ATF1: variants seen among roughly 807,000 people sequenced by gnomAD.
ATF1 encodes cyclic AMP-dependent transcription factor ATF-1.
Under a neutral mutation model 34.7 loss-of-function variants are expected in ATF1, and 16 were observed. The ratio of observed to expected loss-of-function variants is 0.46; its 90% CI spans 0.31 to 0.70. The LOEUF (loss-of-function observed/expected upper bound fraction) is 0.70, where lower values mean the gene tolerates loss of function less well. ATF1 is among the 30% of genes least tolerant of loss of function. The pLI is 0.05. For synonymous variants in ATF1, 105 were observed against 113.1 expected, an observed-to-expected ratio of 0.93 and a Z score of 0.46; for missense variants, 255 against 321.6, an observed-to-expected ratio of 0.79 and a Z score of 1.58.
chr12:50,784,587 G>A (rs756495013), intron 2 of ATF1, among the ~76,000 whole-genome samples: 2 of 152,162 alleles, frequency 1.3e-5, no homozygotes, highest in Non-Finnish European at 2.9e-5. Flanking sequence ...GATAATGTAG[G>A]CCATATACCA....
chr12:50,817,705 T>C (rs1333226768), intron 6 of ATF1, among the ~76,000 whole-genome samples: 1 of 152,102 alleles, frequency 6.6e-6, no homozygotes. Context: ...GGGAAAAATA[T>C]TTGCAACTTT....
chr12:50,816,880 A>AAAAC (rs887137636), intron 6 of ATF1, among the ~76,000 whole-genome samples: 7 of 152,222 alleles, frequency 4.6e-5, no homozygotes, highest in Non-Finnish European at 1.0e-4. Flanking sequence ...CAAACAAAAA[A>AAAAC]AAACACACAA....
At chr12:50,774,156 C>T (rs770130539) in intron 1 of ATF1, among the ~76,000 whole-genome samples, 3 of 152,052 alleles carry the variant, frequency 2.0e-5, no homozygotes, top group Non-Finnish European at 4.4e-5. Flanking sequence ...CTCAGCCTCC[C>T]GAGTAGCTGG....
intron 4 of ATF1, among the ~76,000 whole-genome samples, chr12:50,813,279 A>G (rs1028293102): frequency 1.3e-5 from 2 of 152,198 alleles, no homozygotes; most frequent in African/African-American, 4.8e-5. Flanking sequence ...TTTCTTAACT[A>G]TCACTTAAGT....
intron 3 of ATF1, among the ~76,000 whole-genome samples, chr12:50,805,986 A>G (rs1325020467): frequency 6.6e-6 from 1 of 152,086 alleles, no homozygotes; most frequent in Non-Finnish European, 1.5e-5. Context: ...CCCCGTCTCC[A>G]CTAACAATAC....
At chr12:50,783,641 G>A (rs1231511073) in intron 2 of ATF1, among the ~76,000 whole-genome samples, 4 of 151,594 alleles carry the variant, frequency 2.6e-5, no homozygotes, top group Non-Finnish European at 4.4e-5. Flanking sequence ...AGGCCGAGGC[G>A]GGTAGATCAC....
chr12:50,771,853 C>A lies in ATF1; in HGVS notation c.-7+7546C>A, dbSNP rs111326169. ...CTCTGGTCGTCGTCACTGCTGTGCT[C>A]CCACCAGCGCCATGACAGTTCACAA... On this transcript the variant is annotated intron_variant, in intron 1 of 6. Transcript: ENST00000262053. 2.2e-4 allele frequency among the ~76,000 whole-genome samples: 33 copies of A among 152,252 alleles called. No homozygotes were observed. In the Middle Eastern group the frequency reaches 0.014, roughly 63 times the overall value.
chr12:50,809,786 G>A (rs1565917913), intron 4 of ATF1, among the ~76,000 whole-genome samples, 197 bp downstream of exon 4: 3 of 152,190 alleles, frequency 2.0e-5, no homozygotes. Context: ...AATTATCAAT[G>A]TATGAGGGAA....
intron 4 of ATF1, 125 bp from the exon 5 acceptor site, chr12:50,813,885 G>A (rs1303837411): frequency 1.2e-6 from 1 of 842,904 alleles, no homozygotes. Flanking sequence ...AAAGTAGTCT[G>A]CAGTTACCAA....
chr12:50,813,921 A>G (rs829112), intron 4 of ATF1, 89 bp from the exon 5 acceptor site: 371,193 of 1,292,874 alleles, frequency 0.29, 57,044 homozygotes, highest in Non-Finnish European at 0.32. Flanking sequence ...TACCTGTTTT[A>G]GTAAATAGTG....
At chr12:50,800,374 T>C (rs1941488654) in intron 3 of ATF1, among the ~76,000 whole-genome samples, 1 of 152,220 alleles carries the variant, frequency 6.6e-6, no homozygotes, top group South Asian at 2.1e-4. Context: ...AGAAAATTCT[T>C]AAGACGAAAG....
chr12:50,807,257 T>A (rs756728851), intron 3 of ATF1, among the ~76,000 whole-genome samples: 1 of 151,372 alleles, frequency 6.6e-6, no homozygotes, highest in African/African-American at 2.4e-5. Flanking sequence ...AATAAAAAAT[T>A]AGCCAGGTAT....
At chr12:50,774,216 G>T (rs1940854022) in intron 1 of ATF1, among the ~76,000 whole-genome samples, 1 of 151,960 alleles carries the variant, frequency 6.6e-6, no homozygotes, top group Non-Finnish European at 1.5e-5. Context: ...TTTATATTTA[G>T]TAGAGACGGG....
intron 1 of ATF1, among the ~76,000 whole-genome samples, chr12:50,768,762 T>C (rs569601233): frequency 6.6e-6 from 1 of 152,322 alleles, no homozygotes; most frequent in South Asian, 2.1e-4. Flanking sequence ...AATAAACACA[T>C]CTTTAAAATT....
intron 3 of ATF1, among the ~76,000 whole-genome samples, chr12:50,803,160 T>G (rs1288704926): frequency 6.6e-6 from 1 of 150,380 alleles, no homozygotes; most frequent in Non-Finnish European, 1.5e-5. Context: ...TCCCAGCTAC[T>G]AGGGAGGCTG....
In ATF1 at chr12:50,778,407, T is replaced by C. The variant is rs1339787553; in HGVS notation, c.-6-1733T>C. Among the ~76,000 whole-genome samples the C allele has an allele frequency of 2.6e-5, 4 of 151,620 alleles. No homozygotes were observed. The East Asian group carries it at 7.8e-4, about 30-fold the overall frequency. Reference sequence around the variant, plus strand: ...TGCCGAGCTAATTTTTTATTTTTAGTAGAGACATGGTTTCACCATGTTGGC... The same window carrying C: ...TGCCGAGCTAATTTTTTATTTTTAGCAGAGACATGGTTTCACCATGTTGGC... On this transcript the variant is annotated intron_variant, in intron 1 of 6. Coordinates refer to ENST00000262053, the MANE Select transcript of ATF1 (RefSeq NM_005171.5).
intron 4 of ATF1, among the ~76,000 whole-genome samples, chr12:50,813,632 G>C (rs911569539): frequency 6.6e-6 from 1 of 151,944 alleles, no homozygotes; most frequent in Non-Finnish European, 1.5e-5. Context: ...TGGCCAACAT[G>C]GAGAAGCTCC....
chr12:50,768,716 G>C (rs540028380), intron 1 of ATF1, among the ~76,000 whole-genome samples: 1 of 152,214 alleles, frequency 6.6e-6, no homozygotes, highest in East Asian at 1.9e-4. Context: ...AATAACTAAT[G>C]CCTTTTAGTT....
intron 2 of ATF1, among the ~76,000 whole-genome samples, chr12:50,785,304 C>G (rs988106355): frequency 7.5e-6 from 1 of 132,848 alleles, no homozygotes; most frequent in Non-Finnish European, 1.5e-5. Context: ...CACACACACA[C>G]ACACACACAC....
Sources: gnomAD v4.1 joint callset for allele counts (sites outside exome capture counted in the v4.1 genomes callset) on GRCh38, gnomAD v4.1.1 for gene constraint, MANE v1.5 for transcripts, NCBI Gene and HGNC (gene_info 2026-07-23, HGNC 2026-07-21) for gene names.